CLIC5: variants seen among roughly 807,000 people sequenced by gnomAD.
The protein encoded by CLIC5 is CLIC family member 5, also known as chloride intracellular channel protein 5.
In CLIC5, 20 loss-of-function variants were observed where a neutral mutation model predicts 24.7. The ratio of observed to expected loss-of-function variants is 0.81; its 90% CI spans 0.57 to 1.18. The LOEUF is 1.18. CLIC5 is among the 50% of genes most tolerant of loss of function. CLIC5 has a pLI of 0.00. For missense variants in CLIC5, 341 were observed against 326.1 expected, an observed-to-expected ratio of 1.05 and a Z score of -0.35; for synonymous variants, 159 against 135.6, an observed-to-expected ratio of 1.17 and a Z score of -1.20.
At chr6:46,056,422 C>T (rs1299251384) in intron 1 of CLIC5, among the ~76,000 whole-genome samples, 1 of 152,100 alleles carries the variant, frequency 6.6e-6, no homozygotes, top group Non-Finnish European at 1.5e-5. Context: ...GGGCTGGATG[C>T]CAGAACCATC....
chr6:45,974,483 C>CTA (rs1491551597), intron 1 of CLIC5, among the ~76,000 whole-genome samples: 2 of 80,440 alleles, frequency 2.5e-5, no homozygotes, highest in Admixed American at 3.3e-4. Flanking sequence ...GTGTTTACTA[C>CTA]TGTGTGTGTG....
intron 1 of CLIC5, among the ~76,000 whole-genome samples, chr6:46,011,364 C>T (rs968529084): frequency 3.3e-5 from 5 of 152,218 alleles, no homozygotes; most frequent in Non-Finnish European, 5.9e-5. Context: ...AAGCTGCCTG[C>T]TATTGGACCT....
At chr6:45,923,347 T>C (rs569559723) in intron 4 of CLIC5, among the ~76,000 whole-genome samples, 1 of 152,334 alleles carries the variant, frequency 6.6e-6, no homozygotes, top group East Asian at 1.9e-4. Flanking sequence ...GACCTAGAGA[T>C]TTTTCTCAAT....
At chr6:45,896,256 C>T (rs577797499), downstream of CLIC5, among the ~76,000 whole-genome samples, 1 of 152,258 alleles carries the variant, frequency 6.6e-6, no homozygotes, top group African/African-American at 2.4e-5. Context: ...GGCTTCTTTC[C>T]ATTAAAGAAG....
At chr6:45,999,954 G>C (rs1317153092) in intron 1 of CLIC5, among the ~76,000 whole-genome samples, 1 of 36,326 alleles carries the variant, frequency 2.8e-5, no homozygotes, top group African/African-American at 1.2e-4. Flanking sequence ...GTTTCACCTT[G>C]TTAGCCAGGA....
At chr6:46,117,501 T>C in the CLIC5 span, among the ~76,000 whole-genome samples, 1 of 152,248 alleles carries the variant, frequency 6.6e-6, no homozygotes, top group Admixed American at 6.5e-5. Flanking sequence ...ATAGCTCTTT[T>C]AATATCTTAA....
chr6:46,044,584 C>T (rs762728682), intron 1 of CLIC5, among the ~76,000 whole-genome samples: 3 of 152,162 alleles, frequency 2.0e-5, no homozygotes, highest in Non-Finnish European at 4.4e-5. Flanking sequence ...TCTTTTGCTT[C>T]ACATCTGGAG....
chr6:45,897,636 T>C (rs1191108050), downstream of CLIC5, among the ~76,000 whole-genome samples: 1 of 152,152 alleles, frequency 6.6e-6, no homozygotes, highest in East Asian at 1.9e-4. Context: ...ATGACTACCC[T>C]TTAGCAATGT....
At chr6:45,959,141 A>G (rs1764766674) in intron 1 of CLIC5, among the ~76,000 whole-genome samples, 1 of 152,178 alleles carries the variant, frequency 6.6e-6, no homozygotes, top group Non-Finnish European at 1.5e-5. Flanking sequence ...AACTTCCTGC[A>G]ATTTTGTAAA....
intron 4 of CLIC5, chr6:45,918,961 C>T (rs1179264611): frequency 4.1e-6 from 4 of 985,426 alleles, no homozygotes; most frequent in Non-Finnish European, 4.8e-6. Flanking sequence ...TATGCAAGCA[C>T]ACACATAGCT....
At chr6:46,048,820 TGTCA>T (rs1182120542) in intron 1 of CLIC5, among the ~76,000 whole-genome samples, 1 of 152,134 alleles carries the variant, frequency 6.6e-6, no homozygotes, top group African/African-American at 2.4e-5. Context: ...TGCAGTGTCA[TGTCA>T]GTCAGGCACA....
At chr6:46,045,171 T>C (rs553619224) in intron 1 of CLIC5, among the ~76,000 whole-genome samples, 2 of 152,278 alleles carry the variant, frequency 1.3e-5, no homozygotes, top group South Asian at 4.2e-4. Flanking sequence ...AGCTTCCTCT[T>C]TTTAATAGGC....
intron 5 of CLIC5, chr6:45,913,646 T>C (rs573488048): frequency 6.8e-5 from 35 of 517,104 alleles, no homozygotes; most frequent in African/African-American, 5.1e-4. Context: ...ATTCCCAGGG[T>C]TTGTTATATA....
At chr6:46,074,990 C>A (rs1172188466) in intron 1 of CLIC5, among the ~76,000 whole-genome samples, 4 of 152,192 alleles carry the variant, frequency 2.6e-5, no homozygotes, top group Non-Finnish European at 5.9e-5. Flanking sequence ...TGAATGCTTG[C>A]TGCAAAGCAC....
intron 1 of CLIC5, among the ~76,000 whole-genome samples, chr6:46,071,322 A>T (rs1314267001): frequency 6.6e-6 from 1 of 152,206 alleles, no homozygotes; most frequent in East Asian, 1.9e-4. Flanking sequence ...CAAGCTATGT[A>T]TCTGACAAAG....
intron 4 of CLIC5, among the ~76,000 whole-genome samples, chr6:45,921,506 G>A (rs551897314): frequency 6.6e-6 from 1 of 152,186 alleles, no homozygotes; most frequent in Non-Finnish European, 1.5e-5. Context: ...TCTAGTGTCT[G>A]GTGCAGAGTG....
chr6:45,998,014 C>T (rs1252749503), intron 1 of CLIC5, among the ~76,000 whole-genome samples: 1 of 152,188 alleles, frequency 6.6e-6, no homozygotes, highest in African/African-American at 2.4e-5. Context: ...GCAGAAACTG[C>T]CCTGAGTGTT....
At chr6:45,893,910 C>A (rs1003899018), downstream of CLIC5, among the ~76,000 whole-genome samples, 3 of 152,034 alleles carry the variant, frequency 2.0e-5, no homozygotes, top group Non-Finnish European at 4.4e-5. Flanking sequence ...AAAGAAAGAA[C>A]CTATGTTTTG....
At chr6:46,096,374 T>C in the CLIC5 span, among the ~76,000 whole-genome samples, 5 of 152,230 alleles carry the variant, frequency 3.3e-5, no homozygotes, top group Admixed American at 3.3e-4. Flanking sequence ...GATAAATAAG[T>C]TGTGGTATAT....
Sources: gnomAD v4.1 joint callset for allele counts (sites outside exome capture counted in the v4.1 genomes callset) on GRCh38, gnomAD v4.1.1 for gene constraint, MANE v1.5 for transcripts, NCBI Gene and HGNC (gene_info 2026-07-23, HGNC 2026-07-21) for gene names.